The following DOP1B variants were observed in gnomAD, a reference collection of about 807,000 sequenced individuals.
DOP1B encodes DOP1 leucine zipper like protein B, also known as protein DOP1B.
Under a neutral mutation model 233.5 loss-of-function variants are expected in DOP1B, and 174 were observed. The ratio of observed to expected loss-of-function variants is 0.75; its 90% CI spans 0.66 to 0.85. The LOEUF is 0.85. Ranked by LOEUF, DOP1B falls within the 40% of genes least tolerant of loss-of-function variation. The pLI is 0.00. For synonymous variants in DOP1B, 1,190 were observed against 1,185.6 expected (o/e 1.00, Z -0.08); for missense variants, 2,652 against 2,846.6 (o/e 0.93, Z 1.56).
chr21:36,199,055 T>C lies in DOP1B; in HGVS notation c.139-15T>C, dbSNP rs766428725. ...TGCCTTCTTCCTCATGTGTTTTTTT[T>C]GTCTTGTTTGACAGGCTCTTCAGAG... On this transcript the variant is annotated splice_polypyrimidine_tract_variant and intron_variant, in intron 2 of 36. Coordinates refer to ENST00000691173, the MANE Select transcript of DOP1B (RefSeq NM_001320714.2). 1 of 1,601,188 alleles carries C rather than the reference T, an allele frequency of 6.2e-7. No homozygotes were observed. The highest frequency in any genetic ancestry group is 1.8e-5 in the Admixed American group (1 of 56,830).
chr21:36,196,130 T>A (rs1406683031), intron 2 of DOP1B, among the ~76,000 whole-genome samples: 2 of 152,250 alleles, frequency 1.3e-5, no homozygotes, highest in Non-Finnish European at 2.9e-5. Context: ...GTACTTAACA[T>A]CTTTTTTGTC....
chr21:36,186,892 G>A (rs1011957417), intron 2 of DOP1B, among the ~76,000 whole-genome samples: 8 of 152,088 alleles, frequency 5.3e-5, no homozygotes, highest in Non-Finnish European at 1.0e-4. Context: ...GCTGGAGCCC[G>A]GACTCGGACC....
chr21:36,251,012 T>C (rs1446770329), intron 21 of DOP1B, 150 bp from the exon 22 acceptor site: 2 of 1,072,894 alleles, frequency 1.9e-6, no homozygotes, highest in Non-Finnish European at 2.6e-6. Flanking sequence ...ATTGCTGGGA[T>C]CCACCCATCA....
intron 2 of DOP1B, among the ~76,000 whole-genome samples, chr21:36,179,860 T>C (rs1032873612): frequency 1.3e-5 from 2 of 152,194 alleles, no homozygotes; most frequent in Non-Finnish European, 2.9e-5. Flanking sequence ...TGAACATCTT[T>C]ACGCACGTGG....
chr21:36,162,667 C>T (rs1372607971), intron 1 of DOP1B, among the ~76,000 whole-genome samples: 9 of 152,046 alleles, frequency 5.9e-5, no homozygotes, highest in African/African-American at 1.4e-4. Flanking sequence ...CTCATCCTCC[C>T]GAGTAGCTGG....
chr21:36,214,006 C>A, intron 7 of DOP1B, 75 bp from the exon 8 acceptor site: 3 of 1,180,380 alleles, frequency 2.5e-6, no homozygotes, highest in Non-Finnish European at 3.7e-6. Flanking sequence ...AATATTGGAG[C>A]ATGAGACTTT....
At position 36,168,779 on chromosome 21, in the gene DOP1B, C is replaced by T. The variant is rs140101478; in HGVS notation, c.138+3908C>T. On this transcript the variant is annotated intron_variant, in intron 2 of 36. Transcript: ENST00000691173. ...AACTCCTGACCTCAGGTGATCTGCC[C>T]GCCTCAACCTCCCAAAGTGCTGGGA... 2.5e-3 allele frequency among the ~76,000 whole-genome samples: 384 copies of T among 152,022 alleles called. 2 individuals carry two copies. The Middle Eastern group carries it at 0.027, about 11-fold the overall frequency.
At chr21:36,274,790 G>T (rs1398164340) in intron 27 of DOP1B, among the ~76,000 whole-genome samples, 1 of 152,070 alleles carries the variant, frequency 6.6e-6, no homozygotes, top group East Asian at 1.9e-4. Context: ...GAGGCTAGTT[G>T]TCCATAGGGC....
chr21:36,168,780 G>A (rs149799086), intron 2 of DOP1B, among the ~76,000 whole-genome samples: 1,722 of 151,916 alleles, frequency 0.011, 47 homozygotes, highest in East Asian at 0.11. Flanking sequence ...TGATCTGCCC[G>A]CCTCAACCTC....
intron 2 of DOP1B, chr21:36,169,812 A>T: frequency 1.7e-6 from 2 of 1,171,874 alleles, no homozygotes; most frequent in South Asian, 2.4e-5. Flanking sequence ...TCCTAGATTT[A>T]TGCCGGTTGT....
chr21:36,253,988 G>A (rs2067063696), intron 23 of DOP1B, 79 bp downstream of exon 23: 11 of 1,512,432 alleles, frequency 7.3e-6, no homozygotes, highest in South Asian at 3.7e-5. Context: ...CTTATAAATC[G>A]TGTTTGGGAG....
At chr21:36,201,342 A>ATTTTTTTTTTTTT (rs1187890925) in intron 4 of DOP1B, among the ~76,000 whole-genome samples, 1 of 46,978 alleles carries the variant, frequency 2.1e-5, no homozygotes, top group African/African-American at 1.2e-4. Context: ...TATCTATTGG[A>ATTTTTTTTTTTTT]TTCTTTTTTT....
Position 36,246,727 on chromosome 21 carries a change from T to C in DOP1B, c.4697+50T>C. 1 of 1,556,550 alleles carries C rather than the reference T, an allele frequency of 6.4e-7. No homozygotes were observed. The highest frequency in any genetic ancestry group is 2.3e-5 in the East Asian group (1 of 44,098). On this transcript the variant is annotated intron_variant, in intron 19 of 36. Coordinates refer to ENST00000691173, the MANE Select transcript of DOP1B (RefSeq NM_001320714.2). This position sits in a 1 kb window ranked among gnomAD's most constrained non-coding sequence, Gnocchi z 5.1. Reference sequence around the variant, plus strand: ...TTTATTGCTTTAGTGATGGTTTTTATAACGAATGACTGTTTTGCCACGGAT... The same window carrying C: ...TTTATTGCTTTAGTGATGGTTTTTACAACGAATGACTGTTTTGCCACGGAT...
chr21:36,233,304 G>A lies in DOP1B; in HGVS notation c.2622+229G>A, dbSNP rs770718682. The stretch of plus-strand genomic sequence containing the variant: ...GGGCCCCAGTATTCTGGGCCTGCCA[G>A]GACTGAGTGGAACCCCTGCCTGGGA... On this transcript the variant is annotated intron_variant, in intron 15 of 36. Transcript: ENST00000691173. Among the ~76,000 whole-genome samples, 9 of 152,332 alleles carry A rather than the reference G, an allele frequency of 5.9e-5. No homozygotes were observed. The South Asian group carries it at 6.2e-4, about 11-fold the overall frequency.
chr21:36,236,296 G>T (rs2066825304), intron 15 of DOP1B, among the ~76,000 whole-genome samples: 1 of 152,242 alleles, frequency 6.6e-6, no homozygotes, highest in African/African-American at 2.4e-5. Context: ...TCAGGGCTGG[G>T]AAGATGGAGG....
At position 36,160,194 on chromosome 21, in the gene DOP1B, G is replaced by A. The variant is rs149294085; in HGVS notation, c.-27+3251G>A. ...ATATCAACTTCTTAGTCTTTACTTG[G>A]CAAAAGGAACAAACTACCAGCTCTC... On this transcript the variant is annotated intron_variant, in intron 1 of 36. Coordinates refer to ENST00000691173, the MANE Select transcript of DOP1B (RefSeq NM_001320714.2). Among the ~76,000 whole-genome samples, 1,049 of 152,080 alleles carry A rather than the reference G, an allele frequency of 6.9e-3. 14 individuals carry two copies. Among genetic ancestry groups the A allele is most frequent in the African/African-American group, 0.024 (1,010 of 41,458 alleles).
chr21:36,215,687 G>A (rs2066550891), intron 9 of DOP1B, among the ~76,000 whole-genome samples: 1 of 149,912 alleles, frequency 6.7e-6, no homozygotes, highest in East Asian at 2.1e-4. Context: ...TTACAGGTGT[G>A]AGCCACTGCA....
At chr21:36,192,693 CTT>C (rs372913689) in intron 2 of DOP1B, among the ~76,000 whole-genome samples, 1 of 141,394 alleles carries the variant, frequency 7.1e-6, no homozygotes, top group Non-Finnish European at 1.5e-5. Flanking sequence ...CACTTTCATT[CTT>C]TTTTTTTTTT....
At chr21:36,218,777 GC>G (rs1369940997) in intron 9 of DOP1B, among the ~76,000 whole-genome samples, 1 of 152,164 alleles carries the variant, frequency 6.6e-6, no homozygotes, top group African/African-American at 2.4e-5. Context: ...GCAATGCCCT[GC>G]CCATCCCCTG....
Sources: allele counts gnomAD v4.1 joint callset (sites outside exome capture counted in the v4.1 genomes callset), GRCh38; gene constraint gnomAD v4.1.1; non-coding constraint Gnocchi (gnomAD v3.1); transcripts MANE v1.5; gene names NCBI Gene and HGNC (gene_info 2026-07-23, HGNC 2026-07-21).